RORA: variants seen among roughly 807,000 people sequenced by gnomAD.
RORA encodes the protein RAR related orphan receptor A.
In RORA, 7 loss-of-function variants were observed where a neutral mutation model predicts 69.5. That is an observed-to-expected ratio of 0.10 (90% CI 0.06 to 0.19). RORA has a LOEUF of 0.19. RORA is among the 10% of genes least tolerant of loss of function. RORA has a pLI of 1.00. For synonymous variants in RORA, 261 were observed against 240.8 expected (o/e 1.08, Z -0.78); for missense variants, 457 against 663.0 (o/e 0.69, Z 3.41).
chr15:60,925,045 T>A (rs1488810256), intron 1 of RORA, among the ~76,000 whole-genome samples: 1 of 151,468 alleles, frequency 6.6e-6, no homozygotes, highest in Non-Finnish European at 1.5e-5. Context: ...GGTCACTGCA[T>A]TCCAGCCTGG....
chr15:60,590,138 C>T (rs926926047), intron 2 of RORA, among the ~76,000 whole-genome samples: 2 of 150,214 alleles, frequency 1.3e-5, no homozygotes, highest in African/African-American at 5.0e-5. Context: ...GTGAAATATT[C>T]TAATTGTTCA....
intron 1 of RORA, among the ~76,000 whole-genome samples, chr15:61,032,250 G>C (rs959373838): frequency 6.6e-5 from 10 of 152,254 alleles, no homozygotes; most frequent in African/African-American, 2.2e-4. Flanking sequence ...AGATCCCTTA[G>C]AAAGCTATAA....
At chr15:60,621,070 A>C (rs2069392697) in intron 2 of RORA, among the ~76,000 whole-genome samples, 1 of 152,190 alleles carries the variant, frequency 6.6e-6, no homozygotes, top group African/African-American at 2.4e-5. Context: ...GGGAGGAGAC[A>C]AAAGTTTGAG....
rs139689781 is a variant in RORA at position 61,174,512 on chromosome 15, G to T, written c.166+54541C>A. Among the ~76,000 whole-genome samples the T allele has an allele frequency of 1.2e-4, 18 of 152,312 alleles. No individual in the cohort carries two copies. In the East Asian group the frequency reaches 3.5e-3, roughly 29 times the overall value. ...CTTATGCCACTGGCAAAAGAGGGGC[G>T]GGAAATGTGATCCAGGATTAATAAT... On this transcript the variant is annotated intron_variant, in intron 1 of 10. Transcript: ENST00000335670.
At chr15:60,515,227 C>G (rs1430230359) in intron 3 of RORA, among the ~76,000 whole-genome samples, 1 of 152,254 alleles carries the variant, frequency 6.6e-6, no homozygotes, top group African/African-American at 2.4e-5. Context: ...GTAATCTTCA[C>G]TAGCCCACTT....
intron 1 of RORA, among the ~76,000 whole-genome samples, chr15:60,717,673 A>T (rs989022720): frequency 6.6e-6 from 1 of 152,218 alleles, no homozygotes; most frequent in African/African-American, 2.4e-5. Flanking sequence ...CCAGACAATA[A>T]ATAAAAAATA....
At chr15:61,137,114 G>A (rs531824296) in intron 1 of RORA, among the ~76,000 whole-genome samples, 2 of 150,130 alleles carry the variant, frequency 1.3e-5, no homozygotes, top group South Asian at 4.3e-4. Context: ...AAGCAAGGGT[G>A]TCCAGGGTGG....
At chr15:60,918,954 G>C (rs1891957354) in intron 1 of RORA, among the ~76,000 whole-genome samples, 1 of 152,200 alleles carries the variant, frequency 6.6e-6, no homozygotes, top group East Asian at 1.9e-4. Context: ...CTGAATGACT[G>C]CCTGTCCTCT....
chr15:60,611,596 G>A (rs2069092252), intron 2 of RORA, among the ~76,000 whole-genome samples: 1 of 31,228 alleles, frequency 3.2e-5, no homozygotes, highest in Non-Finnish European at 6.7e-5. Flanking sequence ...AAAAGGTGGA[G>A]TCTTCTTTGC....
intron 1 of RORA, among the ~76,000 whole-genome samples, chr15:61,011,594 G>A (rs1426184529): frequency 1.3e-5 from 2 of 152,100 alleles, no homozygotes; most frequent in Middle Eastern, 3.4e-3. Context: ...CATGGAAAGC[G>A]TATCTGCAAA....
chr15:61,215,219 G>T (rs950728568), intron 1 of RORA, among the ~76,000 whole-genome samples: 1 of 151,894 alleles, frequency 6.6e-6, no homozygotes, highest in Non-Finnish European at 1.5e-5. Context: ...CCCACTGGGA[G>T]CAGCCATGTT....
At chr15:60,803,556 G>A (rs1026550303) in intron 1 of RORA, among the ~76,000 whole-genome samples, 1 of 152,210 alleles carries the variant, frequency 6.6e-6, no homozygotes, top group Non-Finnish European at 1.5e-5. Flanking sequence ...GAGCCCACAA[G>A]GCAGCATTGC....
chr15:60,667,021 T>C lies in RORA; in HGVS notation c.196+11636A>G, dbSNP rs1343260814. Among the ~76,000 whole-genome samples, 3 of 152,314 alleles carry C rather than the reference T, an allele frequency of 2.0e-5. No homozygotes were observed. In the East Asian group the frequency reaches 5.8e-4, roughly 29 times the overall value. ...TTTTTCTTTTTCCTTACTTTTCTTT[T>C]TTATTGTGCAGGAGCAGGAATTACC... On this transcript the variant is annotated intron_variant, in intron 2 of 10. Transcript: ENST00000335670.
intron 1 of RORA, among the ~76,000 whole-genome samples, chr15:60,946,870 C>G (rs1383842757): frequency 6.6e-6 from 1 of 151,806 alleles, no homozygotes; most frequent in Non-Finnish European, 1.5e-5. Context: ...GGGAGCGCCT[C>G]TGCCCCGCCG....
intron 1 of RORA, among the ~76,000 whole-genome samples, chr15:61,161,849 A>C (rs1188662780): frequency 6.6e-6 from 1 of 152,162 alleles, no homozygotes; most frequent in Non-Finnish European, 1.5e-5. Flanking sequence ...GGTCCAAATA[A>C]AAATACAATG....
intron 1 of RORA, among the ~76,000 whole-genome samples, chr15:61,153,408 T>C (rs2079414839): frequency 6.6e-6 from 1 of 152,132 alleles, no homozygotes; most frequent in African/African-American, 2.4e-5. Context: ...AGAAAGGACA[T>C]GGGAGTGTGA....
chr15:60,692,191 T>C (rs1285833022), intron 1 of RORA, among the ~76,000 whole-genome samples: 2 of 152,252 alleles, frequency 1.3e-5, no homozygotes, highest in Non-Finnish European at 2.9e-5. Flanking sequence ...GAATAGTAGT[T>C]TGGCAAAACT....
chr15:61,112,576 G>A (rs888942887), intron 1 of RORA, among the ~76,000 whole-genome samples: 10 of 152,196 alleles, frequency 6.6e-5, no homozygotes, highest in South Asian at 2.1e-4. Context: ...AGGGTGCCAC[G>A]CGTATTTAAC....
At chr15:61,015,474 C>CAA (rs398118918) in intron 1 of RORA, among the ~76,000 whole-genome samples, 12 of 151,120 alleles carry the variant, frequency 7.9e-5, no homozygotes, top group Non-Finnish European at 1.3e-4. Flanking sequence ...TTGAAATACA[C>CAA]AAAAAAAAAT....
Sources: allele counts gnomAD v4.1 joint callset (sites outside exome capture counted in the v4.1 genomes callset), GRCh38; gene constraint gnomAD v4.1.1; transcripts MANE v1.5; gene names NCBI Gene and HGNC (gene_info 2026-07-23, HGNC 2026-07-21).